Variants in ZNF790 observed in about 807,000 individuals in gnomAD.
The protein encoded by ZNF790 is zinc finger protein 790.
Under a neutral mutation model 12.1 loss-of-function variants are expected in ZNF790, and 8 were observed. The ratio of observed to expected loss-of-function variants is 0.66; its 90% CI spans 0.39 to 1.19. The LOEUF (loss-of-function observed/expected upper bound fraction) is 1.19, where lower values mean the gene tolerates loss of function less well. Ranked by LOEUF, ZNF790 falls within the 50% of genes most tolerant of loss-of-function variation. The pLI, the probability that ZNF790 is intolerant of heterozygous loss-of-function variation, is 0.01. For synonymous variants in ZNF790, 252 were observed against 244.3 expected (o/e 1.03, Z -0.29); for missense variants, 707 against 752.2 (o/e 0.94, Z 0.70).
chr19:36,845,880 C>G lies in ZNF790; in HGVS notation c.-74+4122G>C, dbSNP rs996441483. ...CTGGAGTGCAATGGCATGATCTCGG[C>G]TCACTGCAACCTCTGCCTCCCGGGT... On this transcript the variant is annotated intron_variant, in intron 1 of 4. Transcript: ENST00000528994. Among the ~76,000 whole-genome samples, 8 of 151,778 alleles carry G rather than the reference C, an allele frequency of 5.3e-5. 1 individual carries two copies. The highest frequency in any genetic ancestry group is 1.5e-5 in the Non-Finnish European group (1 of 68,002).
At position 36,818,598 on chromosome 19, in the gene ZNF790, A is replaced by G. The variant is rs376742000; in HGVS notation, c.1746T>C (p.Ile582=). 1 of 1,611,080 alleles carries G rather than the reference A, an allele frequency of 6.2e-7. No homozygotes were observed. The highest frequency in any genetic ancestry group is 2.2e-5 in the East Asian group (1 of 44,802). Reference sequence around the variant, plus strand: ...ATTCACAGAGATTTGCACTATTATGAATTTTTTGTTCAGTAAAATATGAAT... The same window carrying G: ...ATTCACAGAGATTTGCACTATTATGGATTTTTTGTTCAGTAAAATATGAAT... The part of the protein sequence containing the change: ...SHHSYFTEQK[I]HNSANLCEWT... Residue 582 remains isoleucine (I), a synonymous_variant, in exon 5 of 5, where the codon ATT becomes ATC. Transcript: ENST00000356725.
chr19:36,845,231 AT>A (rs1160251938), intron 1 of ZNF790, among the ~76,000 whole-genome samples: 1 of 151,918 alleles, frequency 6.6e-6, no homozygotes, highest in African/African-American at 2.4e-5. Context: ...AGCCTGAGCA[AT>A]ATAGCAAGAC....
chr19:36,845,770 G>A (rs2072174273), intron 1 of ZNF790, among the ~76,000 whole-genome samples: 2 of 151,404 alleles, frequency 1.3e-5, no homozygotes, highest in South Asian at 4.2e-4. Flanking sequence ...CAATATGACA[G>A]CACAAAGATT....
intron 1 of ZNF790, among the ~76,000 whole-genome samples, chr19:36,833,792 A>G (rs575306254): frequency 1.3e-5 from 2 of 152,346 alleles, no homozygotes; most frequent in African/African-American, 2.4e-5. Flanking sequence ...TTCCAGGTTT[A>G]TATACCTACA....
intron 1 of ZNF790, among the ~76,000 whole-genome samples, chr19:36,848,816 C>T (rs1477701406): frequency 6.6e-6 from 1 of 151,562 alleles, no homozygotes; most frequent in Non-Finnish European, 1.5e-5. Context: ...TTTTTTGAGA[C>T]GGAGTCTCAC....
chr19:36,845,973 TA>T (rs753067054), intron 1 of ZNF790, among the ~76,000 whole-genome samples: 1 of 151,986 alleles, frequency 6.6e-6, no homozygotes, highest in Non-Finnish European at 1.5e-5. Flanking sequence ...CACACTTGGC[TA>T]ATTTTTGTAT....
At chr19:36,836,044 A>G (rs952086858) in intron 1 of ZNF790, among the ~76,000 whole-genome samples, 41 of 152,080 alleles carry the variant, frequency 2.7e-4, no homozygotes, top group Admixed American at 2.0e-3. Context: ...TTGCAGGGCC[A>G]TCATTCTGCC....
chr19:36,826,259 G>A (rs983074416), intron 1 of ZNF790, among the ~76,000 whole-genome samples: 14 of 152,044 alleles, frequency 9.2e-5, no homozygotes, highest in African/African-American at 3.4e-4. Flanking sequence ...GATTGGGCGA[G>A]TAGTCAGTGT....
chr19:36,845,411 C>CA (rs34007492), intron 1 of ZNF790, among the ~76,000 whole-genome samples: 35,502 of 125,244 alleles, frequency 0.28, 4,442 homozygotes, highest in Non-Finnish European at 0.32. Context: ...TCCCTGTTTC[C>CA]AAAAAAAAAA....
intron 1 of ZNF790, among the ~76,000 whole-genome samples, chr19:36,844,020 A>AT (rs2072153516): frequency 6.7e-6 from 1 of 149,448 alleles, no homozygotes; most frequent in African/African-American, 2.5e-5. Context: ...AAAAAAAAAA[A>AT]AATTAAAAAA....
At chr19:36,848,641 T>C (rs1394825138) in intron 1 of ZNF790, among the ~76,000 whole-genome samples, 2 of 135,914 alleles carry the variant, frequency 1.5e-5, no homozygotes, top group Non-Finnish European at 2.9e-5. Flanking sequence ...TTGGGTCTTT[T>C]TGTTTGTTTG....
intron 1 of ZNF790, chr19:36,828,122 G>A (rs73607677): frequency 5.9e-5 from 9 of 152,122 alleles, no homozygotes; most frequent in Non-Finnish European, 8.8e-5. Flanking sequence ...TGAAGTACTT[G>A]AGAGTGATTA....
At chr19:36,836,560 C>G (rs939548467) in intron 1 of ZNF790, among the ~76,000 whole-genome samples, 25 of 152,224 alleles carry the variant, frequency 1.6e-4, no homozygotes, top group African/African-American at 5.5e-4. Flanking sequence ...AGATCGAGAC[C>G]ATCCTGGCCG....
Position 36,818,455 on chromosome 19 carries a change from GAGCTTGAAGAA to G in ZNF790, c.1878_1888del (p.Ser628LeufsTer13). 6.4e-7 allele frequency: 1 copy of G among 1,559,364 alleles called. No individual in the cohort carries two copies. The highest frequency in any genetic ancestry group is 8.7e-7 in the Non-Finnish European group (1 of 1,149,888). ...ATTTCACAAGAGTGAAATGAAGTGA[GAGCTTGAAGAA>G]AATGCTTTCTCAAAATCTTTAAATT... is the stretch of plus-strand genomic sequence containing the variant. On this transcript the variant is annotated frameshift_variant, in exon 5 of 5. Coordinates refer to ENST00000356725, the MANE Select transcript of ZNF790 (RefSeq NM_206894.4). LOFTEE classifies it low-confidence loss of function (END_TRUNC).
chr19:36,824,464 G>A (rs902014998), intron 2 of ZNF790, among the ~76,000 whole-genome samples: 2 of 151,894 alleles, frequency 1.3e-5, no homozygotes, highest in East Asian at 1.9e-4. Context: ...GCACCACTGC[G>A]CCTGGCTAAT....
intron 1 of ZNF790, among the ~76,000 whole-genome samples, chr19:36,827,117 T>TACACACACACACACACATACACAC (rs2071828177): frequency 1.6e-5 from 1 of 60,934 alleles, no homozygotes; most frequent in Non-Finnish European, 3.3e-5. Context: ...TATATACACA[T>TACACACACACACACACATACACAC]ACACACACAC....
chr19:36,849,034 C>A (rs1421462699), intron 1 of ZNF790, among the ~76,000 whole-genome samples: 1 of 152,154 alleles, frequency 6.6e-6, no homozygotes, highest in Non-Finnish European at 1.5e-5. Flanking sequence ...CTCAAGTGAT[C>A]CACCCACTTC....
chr19:36,825,706 A>T lies in ZNF790; in HGVS notation c.-73-14T>A. On this transcript the variant is annotated splice_polypyrimidine_tract_variant and intron_variant, in intron 1 of 4. Transcript: ENST00000356725. ...GGGAAAGCAGAGCTAGAAGGAAAGA[A>T]TCACAAGGTCAGGCCTTTCTCAGAG... The T allele has an allele frequency of 1.4e-6, 2 of 1,448,566 alleles. No individual in the cohort carries two copies. Among genetic ancestry groups the T allele is most frequent in the South Asian group, 2.3e-5 (2 of 87,716 alleles). 89.7% of individuals were successfully genotyped at this position (1,448,566 alleles called of 1,614,324 possible). A position where few individuals can be genotyped will look rare whatever the true frequency, so the allele number is the denominator to read the frequency against.
chr19:36,848,256 T>C (rs2072197923), intron 1 of ZNF790, among the ~76,000 whole-genome samples: 1 of 152,104 alleles, frequency 6.6e-6, no homozygotes, highest in East Asian at 1.9e-4. Flanking sequence ...GATTAGAATG[T>C]TGGAAAGTTC....
Sources: allele counts gnomAD v4.1 joint callset (sites outside exome capture counted in the v4.1 genomes callset), GRCh38; gene constraint gnomAD v4.1.1; transcripts MANE v1.5; gene names NCBI Gene and HGNC (gene_info 2026-07-23, HGNC 2026-07-21).